The following DHX15 variants were observed in gnomAD, a reference collection of about 807,000 sequenced individuals.
The protein encoded by DHX15 is DEAH-box helicase 15.
Under a neutral mutation model 94.4 loss-of-function variants are expected in DHX15, and 11 were observed. The ratio of observed to expected loss-of-function variants is 0.12; its 90% CI spans 0.07 to 0.19. DHX15 has a LOEUF of 0.19. Ranked by LOEUF, DHX15 falls within the 10% of genes least tolerant of loss-of-function variation. DHX15 has a pLI of 1.00. For missense variants in DHX15, 304 were observed against 988.5 expected, an observed-to-expected ratio of 0.31 and a Z score of 9.29; for synonymous variants, 338 against 329.9, an observed-to-expected ratio of 1.02 and a Z score of -0.27.
At chr4:24,579,243 G>A (rs1722350660) in intron 1 of DHX15, among the ~76,000 whole-genome samples, 1 of 152,198 alleles carries the variant, frequency 6.6e-6, no homozygotes, top group East Asian at 1.9e-4. Flanking sequence ...TAAGAAAACA[G>A]GGAGGATGCA....
At chr4:24,583,100 T>A (rs1722454524) in intron 1 of DHX15, among the ~76,000 whole-genome samples, 3 of 152,188 alleles carry the variant, frequency 2.0e-5, no homozygotes, top group African/African-American at 4.8e-5. Context: ...AAAACAGCTA[T>A]ACAGGTGACT....
intron 3 of DHX15, among the ~76,000 whole-genome samples, chr4:24,570,000 A>C (rs1476891400): frequency 6.6e-6 from 1 of 152,272 alleles, no homozygotes; most frequent in African/African-American, 2.4e-5. Flanking sequence ...AGAAGCAACC[A>C]GAGGGAAGAC....
intron 12 of DHX15, among the ~76,000 whole-genome samples, chr4:24,531,782 T>G (rs548669279): frequency 1.3e-5 from 2 of 152,182 alleles, no homozygotes; most frequent in South Asian, 4.1e-4. Context: ...ACATATCAAA[T>G]ATTAAGAATA....
intron 2 of DHX15, among the ~76,000 whole-genome samples, chr4:24,571,339 T>G (rs945318353): frequency 6.6e-6 from 1 of 152,170 alleles, no homozygotes; most frequent in Non-Finnish European, 1.5e-5. Flanking sequence ...TGTAATCCTA[T>G]CCTTTCCCCC....
intron 11 of DHX15, chr4:24,534,166 T>C (rs1721146829): frequency 6.6e-6 from 1 of 152,176 alleles, no homozygotes; most frequent in African/African-American, 2.4e-5. Context: ...GAAATAAAAG[T>C]TAACCATCTG....
chr4:24,542,422 C>T (rs1020544189), intron 7 of DHX15, among the ~76,000 whole-genome samples: 3 of 152,088 alleles, frequency 2.0e-5, no homozygotes, highest in African/African-American at 7.2e-5. Flanking sequence ...AAAAAATTTC[C>T]ATCAATAACA....
Position 24,537,327 on chromosome 4 carries a change from T to C in DHX15, c.1787-154A>G. ...CATCTTGGATTGTTTACTACCTTGATTTGGTACATCAACACCTAACCACAT... is the reference window on the plus strand; with the variant it reads ...CATCTTGGATTGTTTACTACCTTGACTTGGTACATCAACACCTAACCACAT... On this transcript the variant is annotated intron_variant, in intron 10 of 13. Transcript: ENST00000336812. The surrounding 1 kb of genome is among the most constrained non-coding windows in gnomAD (Gnocchi z 4.7). 1 of 916,540 alleles carries C rather than the reference T, an allele frequency of 1.1e-6. No individual in the cohort carries two copies. Among genetic ancestry groups the C allele is most frequent in the Non-Finnish European group, 1.6e-6 (1 of 631,488 alleles). The allele number at this position is 916,540 out of a possible 1,614,324, so 56.8% of individuals were successfully genotyped here. A position where few individuals can be genotyped will look rare whatever the true frequency, so the allele number is the denominator to read the frequency against.
At chr4:24,543,120 A>C (rs372681345) in intron 6 of DHX15, 94 bp from the exon 7 acceptor site, 2 of 760,836 alleles carry the variant, frequency 2.6e-6, no homozygotes, top group East Asian at 5.9e-5. Flanking sequence ...TGACACAAGG[A>C]ATTTCAAGCC....
chr4:24,557,966 T>C (rs918034163), intron 3 of DHX15, among the ~76,000 whole-genome samples: 1 of 140,274 alleles, frequency 7.1e-6, no homozygotes, highest in African/African-American at 2.6e-5. Context: ...GAGCGGTCTG[T>C]TGATTTGCAA....
At chr4:24,583,919 C>T (rs577017941) in intron 1 of DHX15, among the ~76,000 whole-genome samples, 1 of 152,280 alleles carries the variant, frequency 6.6e-6, no homozygotes, top group East Asian at 1.9e-4. Context: ...TGCCTGCTGC[C>T]CTTGGAAGCG....
chr4:24,534,476 T>C (rs2109392872), intron 11 of DHX15, among the ~76,000 whole-genome samples: 1 of 152,348 alleles, frequency 6.6e-6, no homozygotes, highest in South Asian at 2.1e-4. Flanking sequence ...ATGGTTCTAC[T>C]GTATTTCTAA....
Position 24,554,873 on chromosome 4 carries a change from G to A in DHX15, c.932C>T (p.Thr311Ile). 6.2e-7 allele frequency: 1 copy of A among 1,613,792 alleles called. No homozygotes were observed. The highest frequency in any genetic ancestry group is 8.5e-7 in the Non-Finnish European group (1 of 1,179,874). ...AACAGGATGTGTACGCCCAGGAATA[G>A]TTAGGAGAGGACAGTTATCAAAGTA... ...QIYFDNCPLL[T>I]IPGRTHPVEI... The change falls in exon 5 of 14, where the codon ACT becomes ATT. Residue 311 changes from threonine (T) to isoleucine (I), a missense_variant. Thr to Ile is a moderately conservative substitution (Grantham distance 89). Coordinates refer to ENST00000336812, the MANE Select transcript of DHX15 (RefSeq NM_001358.3).
intron 6 of DHX15, among the ~76,000 whole-genome samples, chr4:24,546,247 T>C (rs1462811144): frequency 6.6e-6 from 1 of 152,210 alleles, no homozygotes; most frequent in Non-Finnish European, 1.5e-5. Context: ...AAGTCTTTCT[T>C]TAAAACTACA....
chr4:24,568,564 T>C (rs924463350), intron 3 of DHX15, among the ~76,000 whole-genome samples: 1 of 152,146 alleles, frequency 6.6e-6, no homozygotes, highest in Non-Finnish European at 1.5e-5. Context: ...ACCAAAATCT[T>C]TCAGAGGTAC....
rs781642421 is a variant in DHX15, at chr4:24,576,294, T to C, written c.456A>G (p.Arg152=). The C allele has an allele frequency of 1.7e-5, 27 of 1,614,220 alleles. No individual in the cohort carries two copies. In the South Asian group the frequency reaches 3.0e-4, roughly 18 times the overall value. The change falls in exon 2 of 14, where the codon AGA becomes AGG. Residue 152 remains arginine (R), a synonymous_variant. Coordinates refer to ENST00000336812, the MANE Select transcript of DHX15 (RefSeq NM_001358.3). ...CACCAACCAGTACAAAGGACTGATG[T>C]CTAACCAGAATATCTGTAAACCTAT... ...YKDRFTDILV[R]HQSFVLVGET...
chr4:24,554,670 G>T, intron 5 of DHX15, 55 bp downstream of exon 5: 1 of 1,309,378 alleles, frequency 7.6e-7, no homozygotes, highest in Non-Finnish European at 1.1e-6. Context: ...TAAGGTTGCT[G>T]CATATTAGAA....
In DHX15 at chr4:24,547,913, A is replaced by G. The variant is rs754672924; in HGVS notation, c.1248+942T>C. On this transcript the variant is annotated intron_variant, in intron 6 of 13. Coordinates refer to ENST00000336812, the MANE Select transcript of DHX15 (RefSeq NM_001358.3). ...TCTATGTATGTATGTGTATATATAT[A>G]TATATATATATATATATATATATAT... 2.5e-4 allele frequency among the ~76,000 whole-genome samples: 8 copies of G among 32,126 alleles called. No homozygotes were observed. The East Asian group carries it at 4.3e-3, about 17-fold the overall frequency. 21.1% of individuals were successfully genotyped at this position (32,126 alleles called of 152,430 possible).
chr4:24,559,904 A>G (rs1721827261), intron 3 of DHX15, among the ~76,000 whole-genome samples: 1 of 152,208 alleles, frequency 6.6e-6, no homozygotes, highest in African/African-American at 2.4e-5. Context: ...GTCTAAATTA[A>G]TCAAATTAAA....
chr4:24,563,908 C>CA (rs1018823816), intron 3 of DHX15, among the ~76,000 whole-genome samples: 4 of 150,484 alleles, frequency 2.7e-5, no homozygotes, highest in Non-Finnish European at 3.0e-5. Context: ...ACTAAAAATA[C>CA]AAAAAAAAAT....
Sources: gnomAD v4.1 joint callset for allele counts (sites outside exome capture counted in the v4.1 genomes callset) on GRCh38, gnomAD v4.1.1 for gene constraint, Gnocchi (gnomAD v3.1) non-coding constraint, MANE v1.5 for transcripts, NCBI Gene and HGNC (gene_info 2026-07-23, HGNC 2026-07-21) for gene names.